The following NAALADL2 variants were observed in gnomAD, a reference collection of about 807,000 sequenced individuals.
NAALADL2 encodes inactive N-acetylated-alpha-linked acidic dipeptidase-like protein 2.
In NAALADL2, 76 loss-of-function variants were observed where a neutral mutation model predicts 87.2. The ratio of observed to expected loss-of-function variants is 0.87; its 90% CI spans 0.72 to 1.05. NAALADL2 has a LOEUF of 1.05. Among genes scored for constraint, NAALADL2 ranks in the 50% least tolerant of loss-of-function variants. NAALADL2 has a pLI of 0.00. For missense variants in NAALADL2, 1,089 were observed against 945.8 expected (o/e 1.15, Z -1.99); for synonymous variants, 354 against 331.0 (o/e 1.07, Z -0.75).
chr3:175,012,090 C>T (rs1041416168), intron 1 of NAALADL2, among the ~76,000 whole-genome samples: 1 of 152,122 alleles, frequency 6.6e-6, no homozygotes, highest in Non-Finnish European at 1.5e-5. Flanking sequence ...AAGCAAAATT[C>T]CCTATACGGG....
intron 2 of NAALADL2, among the ~76,000 whole-genome samples, chr3:174,661,364 TATTA>T (rs1242032985): frequency 6.6e-6 from 1 of 152,172 alleles, no homozygotes; most frequent in Non-Finnish European, 1.5e-5. Flanking sequence ...ATATGCAATT[TATTA>T]ATTATTCCAG....
intron 2 of NAALADL2, among the ~76,000 whole-genome samples, chr3:175,185,604 G>C (rs1032240883): frequency 6.6e-6 from 1 of 151,702 alleles, no homozygotes; most frequent in Admixed American, 6.6e-5. Context: ...CATGCATGGA[G>C]ATAATTAATA....
intron 2 of NAALADL2, among the ~76,000 whole-genome samples, chr3:174,624,440 A>G (rs1553802289): frequency 6.6e-6 from 1 of 152,094 alleles, no homozygotes; most frequent in Non-Finnish European, 1.5e-5. Flanking sequence ...CCTGGCCAAC[A>G]TGGTGAAACC....
intron 5 of NAALADL2, among the ~76,000 whole-genome samples, chr3:175,366,139 G>A (rs907639784): frequency 2.1e-5 from 3 of 141,150 alleles, no homozygotes; most frequent in Admixed American, 7.5e-5. Context: ...ATAGTTTACT[G>A]AGAATGATGA....
intron 2 of NAALADL2, among the ~76,000 whole-genome samples, chr3:175,183,956 A>G (rs957671208): frequency 6.6e-6 from 1 of 150,536 alleles, no homozygotes; most frequent in African/African-American, 2.4e-5. Flanking sequence ...CTGTGCGGCC[A>G]CCCTCAAAGT....
rs373568718 is a variant in NAALADL2, at chr3:174,622,912, A to G, written c.-115+72275A>G. On this transcript the variant is annotated intron_variant, in intron 2 of 3. Coordinates refer to the NAALADL2 transcript ENST00000434257. ...CAAAAAATTAGCCAGGCGTGGTGGC[A>G]GGCACCTATAGTCCCAGCAACTGGG... 1.6e-3 allele frequency among the ~76,000 whole-genome samples: 248 copies of G among 152,286 alleles called. 1 individual carries two copies. The highest frequency in any genetic ancestry group is 5.0e-3 in the African/African-American group (208 of 41,572).
Position 175,305,960 on chromosome 3 carries a change from ATT to A in NAALADL2, c.940-18209_940-18208del, listed in dbSNP as rs1757671511. ...ATTTGCTTATTTTCACAAATCCTTA[ATT>A]TTTTTAAGATTTTTTTGATAAAAAA... is the stretch of plus-strand genomic sequence containing the variant. On this transcript the variant is annotated intron_variant, in intron 4 of 13. Transcript: ENST00000454872. Among the ~76,000 whole-genome samples, 6 of 151,988 alleles carry A rather than the reference ATT, an allele frequency of 3.9e-5. No homozygotes were observed. In the South Asian group the frequency reaches 1.2e-3, roughly 32 times the overall value.
chr3:174,575,763 C>G (rs1210726438), intron 2 of NAALADL2, among the ~76,000 whole-genome samples: 1 of 152,130 alleles, frequency 6.6e-6, no homozygotes, highest in Non-Finnish European at 1.5e-5. Context: ...TTCAGCTGTA[C>G]ATTTATTGTT....
In NAALADL2 at chr3:175,802,987, T is replaced by G; in HGVS notation, c.2190-18T>G. 1 of 1,560,996 alleles carries G rather than the reference T, an allele frequency of 6.4e-7. No individual in the cohort carries two copies. The highest frequency in any genetic ancestry group is 1.4e-5 in the African/African-American group (1 of 73,812). On this transcript the variant is annotated intron_variant, in intron 13 of 13. Coordinates refer to ENST00000454872, the MANE Select transcript of NAALADL2 (RefSeq NM_207015.3). ...GCATTGTGCATGAAACATTTATACA[T>G]TTTGTATTTCTTTTCAGAAACATCC...
chr3:174,442,397 T>C, intron 1 of NAALADL2, among the ~76,000 whole-genome samples: 1 of 147,368 alleles, frequency 6.8e-6, no homozygotes, highest in East Asian at 2.0e-4. Context: ...ATTTTTTTTC[T>C]CCTTTACAAT....
At chr3:175,572,906 A>G (rs1718303419) in intron 9 of NAALADL2, among the ~76,000 whole-genome samples, 1 of 152,100 alleles carries the variant, frequency 6.6e-6, no homozygotes, top group South Asian at 2.1e-4. Context: ...TCTTGAAAAA[A>G]AAAAAAAATT....
At chr3:174,870,005 G>A (rs1291765338) in intron 1 of NAALADL2, among the ~76,000 whole-genome samples, 3 of 57,036 alleles carry the variant, frequency 5.3e-5, no homozygotes, top group Admixed American at 5.2e-4. Context: ...GTCCCCACCC[G>A]CCAAAAAAAA....
intron 2 of NAALADL2, among the ~76,000 whole-genome samples, chr3:174,719,052 G>C (rs1210660901): frequency 6.6e-6 from 1 of 152,222 alleles, no homozygotes; most frequent in East Asian, 1.9e-4. Context: ...TCCATAGACT[G>C]TTGCTGCACA....
At chr3:175,796,290 G>C (rs901900921) in intron 13 of NAALADL2, among the ~76,000 whole-genome samples, 3 of 152,130 alleles carry the variant, frequency 2.0e-5, no homozygotes, top group Non-Finnish European at 4.4e-5. Context: ...GAAGTAGTCT[G>C]TGCCTCTTGA....
intron 10 of NAALADL2, among the ~76,000 whole-genome samples, chr3:175,593,763 G>A (rs903020867): frequency 1.1e-5 from 1 of 95,030 alleles, no homozygotes; most frequent in Admixed American, 1.2e-4. Flanking sequence ...TCATATTAGG[G>A]CCCACTCTCA....
chr3:175,481,335 C>CTGTGTGTGTGTGTGTGTGTGTG (rs3040504), intron 9 of NAALADL2, among the ~76,000 whole-genome samples: 36 of 143,994 alleles, frequency 2.5e-4, no homozygotes, highest in African/African-American at 8.7e-4. Context: ...AACAATGCCA[C>CTGTGTGTGTGTGTGTGTGTGTG]TGTGTGTGTG....
At chr3:174,667,794 AAGT>A (rs1335100337) in intron 2 of NAALADL2, among the ~76,000 whole-genome samples, 1 of 152,064 alleles carries the variant, frequency 6.6e-6, no homozygotes, top group African/African-American at 2.4e-5. Context: ...CTAAAGGAAT[AAGT>A]AGGAAGTGGA....
chr3:174,690,823 G>T (rs1487605551), intron 2 of NAALADL2, among the ~76,000 whole-genome samples: 1 of 152,084 alleles, frequency 6.6e-6, no homozygotes, highest in African/African-American at 2.4e-5. Context: ...TTTTTTAAAA[G>T]TACAAACCTA....
intron 12 of NAALADL2, among the ~76,000 whole-genome samples, chr3:175,746,661 G>A (rs1446839812): frequency 6.6e-6 from 1 of 152,082 alleles, no homozygotes; most frequent in East Asian, 1.9e-4. Flanking sequence ...ATCTGAGCTG[G>A]CATTTCTAAA....
Sources: allele counts gnomAD v4.1 joint callset (sites outside exome capture counted in the v4.1 genomes callset), GRCh38; gene constraint gnomAD v4.1.1; transcripts MANE v1.5; gene names NCBI Gene and HGNC (gene_info 2026-07-23, HGNC 2026-07-21).